KIAA0319: variants seen among roughly 807,000 people sequenced by gnomAD.
The protein encoded by KIAA0319 is KIAA0319.
A neutral mutation model predicts 108.4 loss-of-function variants in KIAA0319; 83 were observed. The observed-to-expected ratio is 0.77, with a 90% CI of 0.64 to 0.92. KIAA0319 has a LOEUF of 0.92. Ranked by LOEUF, KIAA0319 falls within the 40% of genes least tolerant of loss-of-function variation. The pLI, the probability that KIAA0319 is intolerant of heterozygous loss-of-function variation, is 0.00. For synonymous variants in KIAA0319, 484 were observed against 510.4 expected (o/e 0.95, Z 0.70); for missense variants, 1,195 against 1,322.4 (o/e 0.90, Z 1.49).
At position 24,599,868 on chromosome 6, in the gene KIAA0319, AG is replaced by A; in HGVS notation, c.55+1180del. The A allele has an allele frequency of 2.6e-6, 1 of 379,760 alleles. No individual in the cohort carries two copies. Among genetic ancestry groups the A allele is most frequent in the South Asian group, 2.5e-5 (1 of 40,384 alleles). The allele number at this position is 379,760 out of a possible 1,614,324, so 23.5% of individuals were successfully genotyped here. A position where few individuals can be genotyped will look rare whatever the true frequency, so the allele number is the denominator to read the frequency against. On this transcript the variant is annotated intron_variant, in intron 2 of 20. Coordinates refer to ENST00000378214, the MANE Select transcript of KIAA0319 (RefSeq NM_014809.4). This position sits in a 1 kb window ranked among gnomAD's most constrained non-coding sequence, Gnocchi z 4.1. ...TGTGGGGGAGGCCACTGTGCAGGGGAGCATAGGGAACAGGAGACCCACCTGA... is the reference window on the plus strand; with the variant it reads ...TGTGGGGGAGGCCACTGTGCAGGGGACATAGGGAACAGGAGACCCACCTGA...
chr6:24,550,291 G>A (rs1385517914), intron 20 of KIAA0319, among the ~76,000 whole-genome samples: 5 of 152,212 alleles, frequency 3.3e-5, no homozygotes, highest in Non-Finnish European at 2.9e-5. Context: ...TCCTCTCCCA[G>A]TCTCCAGGGC....
downstream of KIAA0319, chr6:24,543,998 G>C (rs1760322502): frequency 6.6e-6 from 1 of 152,186 alleles, no homozygotes; most frequent in Non-Finnish European, 1.5e-5. Context: ...TTCTGTAAAA[G>C]GCCAGATAGT....
At chr6:24,551,270 G>C (rs1283491014) in intron 20 of KIAA0319, among the ~76,000 whole-genome samples, 164 bp downstream of exon 20, 3 of 152,014 alleles carry the variant, frequency 2.0e-5, no homozygotes, top group East Asian at 3.9e-4. Context: ...CACTGGGCCC[G>C]GCCTGAAGGT....
intron 19 of KIAA0319, 136 bp from the exon 20 acceptor site, chr6:24,551,661 C>G (rs1383292415): frequency 1.6e-6 from 1 of 637,774 alleles, no homozygotes; most frequent in African/African-American, 1.8e-5. Flanking sequence ...ATTAAAGAAA[C>G]ATACACAAGG....
intron 1 of KIAA0319, among the ~76,000 whole-genome samples, chr6:24,612,955 C>T (rs2127556587): frequency 6.6e-6 from 1 of 152,220 alleles, no homozygotes; most frequent in South Asian, 2.1e-4. Flanking sequence ...CCCGCCACCA[C>T]GCCCGACTAA....
intron 1 of KIAA0319, among the ~76,000 whole-genome samples, chr6:24,633,843 A>G (rs1468475379): frequency 2.0e-5 from 3 of 152,212 alleles, no homozygotes; most frequent in Non-Finnish European, 4.4e-5. Flanking sequence ...TAGGAATAAT[A>G]AAACTACAGG....
chr6:24,596,605 C>CA lies in KIAA0319; in HGVS notation c.68_69insT (p.Lys23AsnfsTer17). On this transcript the variant is annotated frameshift_variant, in exon 3 of 21. Coordinates refer to ENST00000378214, the MANE Select transcript of KIAA0319 (RefSeq NM_014809.4). LOFTEE classifies it high-confidence loss of function. ...AATATGTCCTCCCCTCGCTGCACTG[C>CA]TTACGGGCACAACCTTTAAACAAAG... 1 of 1,605,436 alleles carries CA rather than the reference C, an allele frequency of 6.2e-7. No individual in the cohort carries two copies. The highest frequency in any genetic ancestry group is 1.1e-5 in the South Asian group (1 of 90,764).
intron 1 of KIAA0319, among the ~76,000 whole-genome samples, chr6:24,620,549 C>T (rs912613440): frequency 6.6e-6 from 1 of 152,224 alleles, no homozygotes; most frequent in Non-Finnish European, 1.5e-5. Context: ...GATTTGCCTG[C>T]CCCGGCCTCC....
Position 24,576,516 on chromosome 6 carries a change from G to A in KIAA0319, c.1586C>T (p.Pro529Leu), listed in dbSNP as rs756011643. 20 of 1,614,058 alleles carry A rather than the reference G, an allele frequency of 1.2e-5. No homozygotes were observed. In the South Asian group the frequency reaches 2.1e-4, roughly 17 times the overall value. The change falls in exon 10 of 21, where the codon CCA (proline) becomes CTA (leucine). Residue 529 changes from proline (P) to leucine (L), a missense_variant. Transcript: ENST00000378214. ...GTGATTTGGTCCTGCATTAGCAACT[G>A]GTGGGTAGTCCACAGCATTGTTCAC... Reference protein sequence around the residue: ...LIVNNAVDYPPVANAGPNHTI... With the variant: ...LIVNNAVDYPLVANAGPNHTI...
At position 24,599,648 on chromosome 6, in the gene KIAA0319, C is replaced by T; in HGVS notation, c.55+1401G>A. On this transcript the variant is annotated intron_variant, in intron 2 of 20. Coordinates refer to ENST00000378214, the MANE Select transcript of KIAA0319 (RefSeq NM_014809.4). This position sits in a 1 kb window ranked among gnomAD's most constrained non-coding sequence, Gnocchi z 4.1. ...GCTCAGCCTATGGGGGCCTCAGCTA[C>T]AGCCTGGGCTCCAGCTTTGGCTCTG... 4.8e-6 allele frequency: 3 copies of T among 623,872 alleles called. No individual in the cohort carries two copies. Among genetic ancestry groups the T allele is most frequent in the South Asian group, 4.6e-5 (3 of 64,898 alleles). 38.6% of individuals were successfully genotyped at this position (623,872 alleles called of 1,614,324 possible).
In KIAA0319 at chr6:24,601,210, T is replaced by G; in HGVS notation, c.-105-2A>C. On this transcript the variant is annotated splice_acceptor_variant, in intron 1 of 20. Coordinates refer to ENST00000378214, the MANE Select transcript of KIAA0319 (RefSeq NM_014809.4). LOFTEE classifies it low-confidence loss of function (5UTR_SPLICE). Reference sequence around the variant, plus strand: ...AGGAGCCAGATTTGGCCTCAAGAACTTCAAAGGAAAAACATAAAAGAGGAA... The same window carrying G: ...AGGAGCCAGATTTGGCCTCAAGAACGTCAAAGGAAAAACATAAAAGAGGAA... 1 of 1,545,636 alleles carries G rather than the reference T, an allele frequency of 6.5e-7. No individual in the cohort carries two copies. The highest frequency in any genetic ancestry group is 1.2e-5 in the South Asian group (1 of 81,076).
intron 1 of KIAA0319, among the ~76,000 whole-genome samples, chr6:24,622,320 A>T (rs1392931112): frequency 6.5e-5 from 1 of 15,336 alleles, no homozygotes; most frequent in African/African-American, 9.0e-4. Context: ...TTGAGAAATT[A>T]AAAAAAAAAA....
chr6:24,610,691 G>A (rs773607936), intron 1 of KIAA0319, among the ~76,000 whole-genome samples: 13 of 151,938 alleles, frequency 8.6e-5, no homozygotes, highest in African/African-American at 2.4e-4. Context: ...GAGGCTGAGC[G>A]GGGAGGATCG....
At chr6:24,577,001 T>C (rs1413318482) in intron 9 of KIAA0319, among the ~76,000 whole-genome samples, 1 of 152,016 alleles carries the variant, frequency 6.6e-6, no homozygotes, top group Non-Finnish European at 1.5e-5. Context: ...CTTAGGTCAA[T>C]TTAGTCTGCT....
chr6:24,574,822 C>G (rs1163642069), intron 10 of KIAA0319, among the ~76,000 whole-genome samples: 2 of 152,200 alleles, frequency 1.3e-5, no homozygotes, highest in Non-Finnish European at 2.9e-5. Context: ...CTTTCCCCTA[C>G]TTTGACTAAG....
At chr6:24,560,464 C>T (rs1762961492) in intron 16 of KIAA0319, among the ~76,000 whole-genome samples, 1 of 152,174 alleles carries the variant, frequency 6.6e-6, no homozygotes, top group Non-Finnish European at 1.5e-5. Context: ...TGGTGAGCAC[C>T]TTTTCATGTG....
intron 1 of KIAA0319, among the ~76,000 whole-genome samples, chr6:24,617,757 C>G (rs369639355): frequency 6.6e-6 from 1 of 152,064 alleles, no homozygotes; most frequent in Non-Finnish European, 1.5e-5. Context: ...GAGGCTGATG[C>G]GGGTGGATCA....
chr6:24,628,022 G>C (rs1466089791), intron 1 of KIAA0319, among the ~76,000 whole-genome samples: 3 of 152,164 alleles, frequency 2.0e-5, no homozygotes, highest in African/African-American at 7.2e-5. Context: ...TGAAAAGTTA[G>C]ACATTATTCA....
intron 20 of KIAA0319, among the ~76,000 whole-genome samples, chr6:24,548,744 C>T (rs807531): frequency 0.87 from 132,327 of 152,234 alleles, 58,362 homozygotes; most frequent in Non-Finnish European, 0.93. Context: ...GGAGAGAGGC[C>T]GGAGAAAGGC....
Sources: allele counts gnomAD v4.1 joint callset (sites outside exome capture counted in the v4.1 genomes callset), GRCh38; gene constraint gnomAD v4.1.1; non-coding constraint Gnocchi (gnomAD v3.1); transcripts MANE v1.5; gene names NCBI Gene and HGNC (gene_info 2026-07-23, HGNC 2026-07-21).